Variants in PTPRD observed in about 807,000 individuals in gnomAD.
PTPRD encodes protein tyrosine phosphatase receptor type D.
PTPRD carries 34 observed loss-of-function variants against 214.5 expected under a neutral mutation model. The ratio of observed to expected loss-of-function variants is 0.16; its 90% CI spans 0.12 to 0.21. The LOEUF is 0.21. Ranked by LOEUF, PTPRD falls within the 10% of genes least tolerant of loss-of-function variation. PTPRD has a pLI of 1.00. For synonymous variants in PTPRD, 1,128 were observed against 845.7 expected (o/e 1.33, Z -5.79); for missense variants, 2,545 against 2,398.7 (o/e 1.06, Z -1.27).
At chr9:10,076,854 A>T (rs763117780) in intron 3 of PTPRD, among the ~76,000 whole-genome samples, 1 of 152,182 alleles carries the variant, frequency 6.6e-6, no homozygotes, top group African/African-American at 2.4e-5. Context: ...ATGGTGCTCT[A>T]CGAACATGAA....
chr9:8,531,514 T>C (rs2075684097), intron 14 of PTPRD, among the ~76,000 whole-genome samples: 1 of 152,090 alleles, frequency 6.6e-6, no homozygotes, highest in Non-Finnish European at 1.5e-5. Context: ...ACACCAACTA[T>C]ACCGCCTTCA....
chr9:8,505,486 G>A (rs2097524530), intron 22 of PTPRD, among the ~76,000 whole-genome samples: 1 of 151,844 alleles, frequency 6.6e-6, no homozygotes, highest in Non-Finnish European at 1.5e-5. Context: ...GCCGGGTGTG[G>A]TGGTGGGCGC....
At chr9:8,592,482 C>T (rs139972229) in intron 14 of PTPRD, among the ~76,000 whole-genome samples, 1 of 152,148 alleles carries the variant, frequency 6.6e-6, no homozygotes, top group African/African-American at 2.4e-5. Flanking sequence ...ACGTGCACAG[C>T]TCTTTACTTG....
intron 2 of PTPRD, among the ~76,000 whole-genome samples, chr9:10,354,336 A>G (rs2097233926): frequency 6.6e-6 from 1 of 152,176 alleles, no homozygotes; most frequent in Admixed American, 6.5e-5. Flanking sequence ...ATATTGATAG[A>G]CATTTCAGCA....
chr9:8,601,303 C>T (rs576951717), intron 14 of PTPRD, among the ~76,000 whole-genome samples: 23 of 152,222 alleles, frequency 1.5e-4, no homozygotes, highest in Non-Finnish European at 2.9e-4. Context: ...GAATCTGCCA[C>T]AAGCCTGGCA....
At chr9:8,576,630 G>C (rs200992062) in intron 14 of PTPRD, among the ~76,000 whole-genome samples, 1 of 45,412 alleles carries the variant, frequency 2.2e-5, no homozygotes, top group Non-Finnish European at 4.0e-5. Context: ...GGCTAATGCA[G>C]CAAAAAAAAA....
intron 14 of PTPRD, among the ~76,000 whole-genome samples, chr9:8,570,800 G>A (rs1485555972): frequency 6.6e-6 from 1 of 151,860 alleles, no homozygotes; most frequent in African/African-American, 2.4e-5. Context: ...ATTCCTCTTT[G>A]TCTGCACAAA....
At chr9:10,093,766 C>A (rs574561211) in intron 3 of PTPRD, among the ~76,000 whole-genome samples, 3 of 151,332 alleles carry the variant, frequency 2.0e-5, no homozygotes, top group Non-Finnish European at 4.4e-5. Flanking sequence ...ATAAAAAGAA[C>A]AAAATCGTGT....
At chr9:10,216,470 C>A (rs958105559) in intron 3 of PTPRD, among the ~76,000 whole-genome samples, 8 of 151,908 alleles carry the variant, frequency 5.3e-5, no homozygotes, top group Non-Finnish European at 8.8e-5. Flanking sequence ...GATCAATTAA[C>A]TATGGTTAAC....
intron 8 of PTPRD, among the ~76,000 whole-genome samples, chr9:9,417,897 G>T (rs1318520591): frequency 6.6e-6 from 1 of 151,908 alleles, no homozygotes; most frequent in Non-Finnish European, 1.5e-5. Context: ...TACTGGAAAA[G>T]GCAAATAAAT....
intron 21 of PTPRD, 107 bp from the exon 22 acceptor site, chr9:8,507,541 C>G: frequency 3.7e-6 from 5 of 1,364,914 alleles, no homozygotes; most frequent in Non-Finnish European, 4.1e-6. Context: ...TACACATGTA[C>G]CAGCTTAGTG....
rs138294436 is a variant in PTPRD, at chr9:8,635,041, G to A, written c.211-1583C>T. ...ACAGACTAGTAATACCATATATATT[G>A]TTTAATAATATATATTTAATAATAT... On this transcript the variant is annotated intron_variant, in intron 13 of 45. Coordinates refer to ENST00000381196, the MANE Select transcript of PTPRD (RefSeq NM_002839.4). 1.2e-3 allele frequency among the ~76,000 whole-genome samples: 180 copies of A among 147,388 alleles called. 2 individuals carry two copies. The highest frequency in any genetic ancestry group is 4.3e-3 in the African/African-American group (174 of 40,520).
chr9:9,939,157 C>A (rs1039027763), intron 4 of PTPRD, among the ~76,000 whole-genome samples: 3 of 152,058 alleles, frequency 2.0e-5, no homozygotes, highest in Non-Finnish European at 4.4e-5. Flanking sequence ...CTCAAACGCA[C>A]CAGAGTGTTG....
rs1172955634 is a variant in PTPRD at position 9,980,635 on chromosome 9, CA to C, written c.-471-42026del. ...AAAAAAAACAAAAAAAAAAAAAAAACAAAAAAAAAAACCCTTTATGGATCAA... is the reference window on the plus strand; with the variant it reads ...AAAAAAAACAAAAAAAAAAAAAAAACAAAAAAAAAACCCTTTATGGATCAA... On this transcript the variant is annotated intron_variant, in intron 4 of 45. Transcript: ENST00000381196. 2.1e-4 allele frequency among the ~76,000 whole-genome samples: 7 copies of C among 34,032 alleles called. 1 individual carries two copies. Among genetic ancestry groups the C allele is most frequent in the Admixed American group, 1.3e-3 (3 of 2,396 alleles). The allele number at this position is 34,032 out of a possible 152,430, so 22.3% of individuals were successfully genotyped here.
Position 9,852,637 on chromosome 9 carries a change from C to T in PTPRD, c.-367-85786G>A, listed in dbSNP as rs188078700. On this transcript the variant is annotated intron_variant, in intron 5 of 45. Coordinates refer to ENST00000381196, the MANE Select transcript of PTPRD (RefSeq NM_002839.4). The stretch of plus-strand genomic sequence containing the variant: ...ATTTTCATATAATCCTTTATATTGT[C>T]TTTATAAATAAGATAAAGATTATTC... Among the ~76,000 whole-genome samples the T allele has an allele frequency of 5.9e-5, 9 of 152,042 alleles. 1 individual carries two copies. In the South Asian group the frequency reaches 1.7e-3, roughly 28 times the overall value.
intron 7 of PTPRD, among the ~76,000 whole-genome samples, chr9:9,673,789 A>C (rs1302105515): frequency 6.6e-6 from 1 of 151,664 alleles, no homozygotes; most frequent in Non-Finnish European, 1.5e-5. Context: ...CCCCAAAAAG[A>C]TCAGGAAAGA....
intron 14 of PTPRD, among the ~76,000 whole-genome samples, chr9:8,569,337 T>C (rs1319925191): frequency 6.6e-6 from 1 of 152,100 alleles, no homozygotes; most frequent in Non-Finnish European, 1.5e-5. Flanking sequence ...CAGGCAATCA[T>C]CCTCCAAACT....
chr9:8,701,811 C>A (rs1219756133), intron 12 of PTPRD, among the ~76,000 whole-genome samples: 1 of 152,130 alleles, frequency 6.6e-6, no homozygotes, highest in Admixed American at 6.5e-5. Context: ...TTACTGCCAC[C>A]ATTAAAAATA....
chr9:8,637,797 A>T (rs1422303993), intron 12 of PTPRD, among the ~76,000 whole-genome samples: 5 of 152,214 alleles, frequency 3.3e-5, no homozygotes, highest in Admixed American at 1.3e-4. Context: ...ATATGGCATG[A>T]AGATGGAACA....
Sources: allele counts gnomAD v4.1 joint callset (sites outside exome capture counted in the v4.1 genomes callset), GRCh38; gene constraint gnomAD v4.1.1; transcripts MANE v1.5; gene names NCBI Gene and HGNC (gene_info 2026-07-23, HGNC 2026-07-21).